Variants in BCL7C observed in about 807,000 individuals in gnomAD.
BCL7C encodes the protein BAF chromatin remodeling complex subunit BCL7C.
In BCL7C, 8 loss-of-function variants were observed where a neutral mutation model predicts 26.2. The observed-to-expected ratio is 0.30, with a 90% confidence interval of 0.18 to 0.55. BCL7C has a LOEUF of 0.55. Among genes scored for constraint, BCL7C ranks in the 20% least tolerant of loss-of-function variants. The pLI is 0.93. For missense variants in BCL7C, 262 were observed against 298.5 expected (o/e 0.88, Z 0.90); for synonymous variants, 90 against 116.5 (o/e 0.77, Z 1.47).
intron 5 of BCL7C, among the ~76,000 whole-genome samples, chr16:30,874,485 C>T (rs1254308665): frequency 6.6e-6 from 1 of 151,926 alleles, no homozygotes; most frequent in Admixed American, 6.6e-5. Flanking sequence ...GGCGTGGTGG[C>T]GCGTGTTTGT....
At chr16:30,855,537 C>CTGGCCCTGCCCTT (rs1213369217) in intron 5 of BCL7C, among the ~76,000 whole-genome samples, 6 of 152,160 alleles carry the variant, frequency 3.9e-5, no homozygotes, top group Admixed American at 3.9e-4. Context: ...GCCACTGCAC[C>CTGGCCCTGCCCTT]TGGCCCTGCC....
chr16:30,855,037 T>C (rs1354888237), intron 5 of BCL7C, among the ~76,000 whole-genome samples: 1 of 152,100 alleles, frequency 6.6e-6, no homozygotes, highest in African/African-American at 2.4e-5. Context: ...ATAACATAAT[T>C]AATCCTTTAA....
chr16:30,859,603 TCTAA>T (rs375249830), intron 5 of BCL7C, among the ~76,000 whole-genome samples: 13 of 151,492 alleles, frequency 8.6e-5, no homozygotes, highest in African/African-American at 3.1e-4. Context: ...CCTGCCCCAC[TCTAA>T]CTGATACGAT....
exon 6 of BCL7C, chr16:30,835,144 G>A (rs2054562022): frequency 1.3e-6 from 2 of 1,505,156 alleles, no homozygotes; most frequent in Non-Finnish European, 8.9e-7. Context: ...TCTCACTCCC[G>A]AATCCTGTAC....
In BCL7C at chr16:30,892,709, G is replaced by A. The variant is rs2055269659; in HGVS notation, c.319C>T (p.Leu107=). Residue 107 remains leucine (L), a synonymous_variant, in exon 4 of 6, where the codon CTG becomes TTG. Transcript: ENST00000215115. ...SNQSFHSEGS[L]QKGTEPSPGG... ...GGACTGGGCTCTGTGCCCTTTTGCA[G>A]GGAACCTTCCGAATGGAAACTCTGG... is the stretch of plus-strand genomic sequence containing the variant. 1 of 1,614,006 alleles carries A rather than the reference G, an allele frequency of 6.2e-7. No homozygotes were observed. The highest frequency in any genetic ancestry group is 8.5e-7 in the Non-Finnish European group (1 of 1,180,010).
At chr16:30,836,386 C>A (rs1422699618) in intron 5 of BCL7C, among the ~76,000 whole-genome samples, 1 of 151,774 alleles carries the variant, frequency 6.6e-6, no homozygotes, top group East Asian at 1.9e-4. Context: ...GTGAGAGGAT[C>A]ACTTTAGCCT....
intron 5 of BCL7C, among the ~76,000 whole-genome samples, chr16:30,877,554 C>T (rs2054968456): frequency 6.6e-6 from 1 of 152,012 alleles, no homozygotes; most frequent in South Asian, 2.1e-4. Flanking sequence ...ATTCTCCTGC[C>T]TCAGCCTCCC....
At chr16:30,842,072 C>G (rs773625895) in intron 5 of BCL7C, among the ~76,000 whole-genome samples, 24 of 152,184 alleles carry the variant, frequency 1.6e-4, no homozygotes, top group South Asian at 4.1e-4. Flanking sequence ...GTGTTCACCC[C>G]CCTTTGTTCA....
chr16:30,835,568 G>A (rs1162136539), intron 5 of BCL7C, among the ~76,000 whole-genome samples: 6 of 152,244 alleles, frequency 3.9e-5, no homozygotes, highest in African/African-American at 1.4e-4. Context: ...ACTTTTGGCC[G>A]GGCTCGGTGG....
Position 30,892,918 on chromosome 16 carries a change from T to C in BCL7C, c.202A>G (p.Arg68Gly). The C allele has an allele frequency of 6.2e-7, 1 of 1,613,032 alleles. No homozygotes were observed. The highest frequency in any genetic ancestry group is 8.5e-7 in the Non-Finnish European group (1 of 1,179,920). ...ERRRAGGGAE[R>G]SRGRERRGRG... ...CCCCGACGTTCCCGGCCACGGGATC[T>C]CTCTGCCCCGCCACCTGCCCGCCTT... The change falls in exon 3 of 6, where the codon AGA becomes GGA. Residue 68 changes from arginine to glycine, a missense_variant. By Grantham distance (125) the Arg-to-Gly change is moderately radical (BLOSUM62 -2). Coordinates refer to ENST00000215115, the MANE Select transcript of BCL7C (RefSeq NM_004765.4).
At chr16:30,852,277 A>C (rs1429684787) in intron 5 of BCL7C, 1 of 152,534 alleles carries the variant, frequency 6.6e-6, no homozygotes, top group African/African-American at 2.4e-5. Flanking sequence ...AACTCGAATA[A>C]GAAAATCGCT....
At chr16:30,842,735 A>T (rs2054610048) in intron 5 of BCL7C, among the ~76,000 whole-genome samples, 1 of 151,896 alleles carries the variant, frequency 6.6e-6, no homozygotes, top group African/African-American at 2.4e-5. Flanking sequence ...CTCCCAGCTA[A>T]TTTTTTGTAT....
In BCL7C at chr16:30,893,421, G is replaced by GT; in HGVS notation, c.93-132_93-131insA. On this transcript the variant is annotated intron_variant, in intron 1 of 5. Transcript: ENST00000215115. This position sits in a 1 kb window ranked among gnomAD's most constrained non-coding sequence, Gnocchi z 5.2. ...GGATAGCAACAGTTTTGCTAATGGG[G>GT]CATAGTTACATGGAGGAAGAGAGTC... 1.5e-6 allele frequency: 1 copy of GT among 660,118 alleles called. No homozygotes were observed. Among genetic ancestry groups the GT allele is most frequent in the South Asian group, 1.9e-5 (1 of 53,092 alleles). The allele number at this position is 660,118 out of a possible 1,614,324, so 40.9% of individuals were successfully genotyped here.
intron 5 of BCL7C, among the ~76,000 whole-genome samples, chr16:30,878,980 A>G (rs543021240): frequency 6.6e-6 from 1 of 152,316 alleles, no homozygotes; most frequent in African/African-American, 2.4e-5. Context: ...AGCCATGGGA[A>G]GTTTTAGAAC....
intron 5 of BCL7C, among the ~76,000 whole-genome samples, chr16:30,864,752 A>G (rs1437658870): frequency 6.6e-6 from 1 of 152,180 alleles, no homozygotes; most frequent in Non-Finnish European, 1.5e-5. Flanking sequence ...CTGAAGATCC[A>G]CAAGTGAAAA....
intron 5 of BCL7C, among the ~76,000 whole-genome samples, chr16:30,858,853 T>C (rs1372786546): frequency 6.6e-6 from 1 of 152,052 alleles, no homozygotes; most frequent in Non-Finnish European, 1.5e-5. Flanking sequence ...AAGATAAGCA[T>C]CTAGACATAG....
intron 5 of BCL7C, among the ~76,000 whole-genome samples, chr16:30,850,531 A>G (rs1305900085): frequency 2.0e-5 from 3 of 152,224 alleles, no homozygotes; most frequent in Admixed American, 6.5e-5. Flanking sequence ...ACTATATCAT[A>G]TAGACTATTG....
At chr16:30,882,819 G>A (rs952597861), downstream of BCL7C, among the ~76,000 whole-genome samples, 1 of 152,238 alleles carries the variant, frequency 6.6e-6, no homozygotes, top group Non-Finnish European at 1.5e-5. Flanking sequence ...GTAAAGCAGT[G>A]TTGCCCTGAA....
chr16:30,887,476 CAAAA>C (rs397854743), downstream of BCL7C, among the ~76,000 whole-genome samples: 1 of 75,772 alleles, frequency 1.3e-5, no homozygotes, highest in Non-Finnish European at 2.5e-5. Context: ...GTCTGTGTCT[CAAAA>C]AAAAAAAAAA....
Sources: allele counts gnomAD v4.1 joint callset (sites outside exome capture counted in the v4.1 genomes callset), GRCh38; gene constraint gnomAD v4.1.1; non-coding constraint Gnocchi (gnomAD v3.1); transcripts MANE v1.5; gene names NCBI Gene and HGNC (gene_info 2026-07-23, HGNC 2026-07-21).